Variants in CYTH3 observed in about 807,000 individuals in gnomAD.
The protein encoded by CYTH3 is cytohesin 3, also known as cytohesin-3.
A neutral mutation model predicts 55.1 loss-of-function variants in CYTH3; 23 were observed. The ratio of observed to expected loss-of-function variants is 0.42; its 90% CI spans 0.30 to 0.59. CYTH3 has a LOEUF of 0.59. Among genes scored for constraint, CYTH3 ranks in the 20% least tolerant of loss-of-function variants. The pLI is 0.20. For missense variants in CYTH3, 413 were observed against 524.8 expected (o/e 0.79, Z 2.08); for synonymous variants, 249 against 194.9 (o/e 1.28, Z -2.31).
At chr7:6,232,046 A>G (rs1200731764) in intron 1 of CYTH3, among the ~76,000 whole-genome samples, 3 of 152,128 alleles carry the variant, frequency 2.0e-5, no homozygotes, top group African/African-American at 7.2e-5. Flanking sequence ...CTGCACCCTC[A>G]AGACTTTGCT....
intron 1 of CYTH3, among the ~76,000 whole-genome samples, chr7:6,271,070 C>T (rs1163991532): frequency 6.6e-6 from 1 of 151,712 alleles, no homozygotes; most frequent in Non-Finnish European, 1.5e-5. Context: ...CGACATCCAC[C>T]GGGAACCCAT....
intron 4 of CYTH3, 72 bp downstream of exon 4, chr7:6,186,978 C>T (rs749289122): frequency 1.7e-5 from 25 of 1,507,802 alleles, no homozygotes; most frequent in Non-Finnish European, 1.9e-5. Context: ...GACCTCTGTC[C>T]AAAAGGGAAA....
intron 1 of CYTH3, among the ~76,000 whole-genome samples, chr7:6,238,426 T>C (rs1029710411): frequency 7.2e-5 from 11 of 152,246 alleles, no homozygotes; most frequent in South Asian, 4.1e-4. Flanking sequence ...ACAAACAAGA[T>C]GAAGTTCAAT....
intron 1 of CYTH3, among the ~76,000 whole-genome samples, chr7:6,240,633 G>A (rs778636085): frequency 2.6e-5 from 4 of 152,078 alleles, no homozygotes; most frequent in Non-Finnish European, 5.9e-5. Context: ...AGCCTTTTGG[G>A]GAAAGAAAGT....
intron 4 of CYTH3, among the ~76,000 whole-genome samples, chr7:6,181,592 TGTATAA>T (rs1583752228): frequency 6.6e-6 from 1 of 152,362 alleles, no homozygotes; most frequent in East Asian, 1.9e-4. Flanking sequence ...CACGTCTATG[TGTATAA>T]GTCTTTTCAA....
intron 1 of CYTH3, among the ~76,000 whole-genome samples, chr7:6,242,539 G>A (rs1175182692): frequency 6.8e-6 from 1 of 147,630 alleles, no homozygotes; most frequent in Non-Finnish European, 1.5e-5. Flanking sequence ...ACCACACCCG[G>A]CTAATTTTTG....
intron 1 of CYTH3, among the ~76,000 whole-genome samples, chr7:6,233,956 G>T (rs879740589): frequency 3.3e-5 from 5 of 152,150 alleles, no homozygotes; most frequent in Admixed American, 6.5e-5. Context: ...GGGCAAGGCA[G>T]CTGTCTGAGG....
intron 1 of CYTH3, among the ~76,000 whole-genome samples, chr7:6,238,927 A>G (rs74337584): frequency 2.0e-5 from 3 of 149,338 alleles, no homozygotes; most frequent in Admixed American, 2.0e-4. Flanking sequence ...ATAATAATAA[A>G]AAAAAGCCAA....
At chr7:6,255,411 C>G (rs1304989840) in intron 1 of CYTH3, among the ~76,000 whole-genome samples, 1 of 152,164 alleles carries the variant, frequency 6.6e-6, no homozygotes, top group African/African-American at 2.4e-5. Context: ...GGGAAAAGTT[C>G]TGAAATCCTA....
chr7:6,243,812 T>G (rs1779736678), intron 1 of CYTH3, among the ~76,000 whole-genome samples: 1 of 152,128 alleles, frequency 6.6e-6, no homozygotes, highest in Admixed American at 6.5e-5. Flanking sequence ...GTGAGGATAA[T>G]GGAGAAGAAA....
At chr7:6,251,047 G>T (rs2115047328) in intron 1 of CYTH3, among the ~76,000 whole-genome samples, 1 of 152,328 alleles carries the variant, frequency 6.6e-6, no homozygotes, top group East Asian at 1.9e-4. Flanking sequence ...GGGAGGCCAA[G>T]GCGGGTGGAC....
At chr7:6,261,689 CAAAAA>C (rs71549614) in intron 1 of CYTH3, among the ~76,000 whole-genome samples, 3 of 47,490 alleles carry the variant, frequency 6.3e-5, no homozygotes, top group African/African-American at 1.5e-4. Context: ...GACCCTGTCT[CAAAAA>C]AAAAAAAAAA....
In CYTH3 at chr7:6,173,145, G is replaced by A. The variant is rs767770074; in HGVS notation, c.449+508C>T. 17 of 842,898 alleles carry A rather than the reference G, an allele frequency of 2.0e-5. No individual in the cohort carries two copies. The South Asian group carries it at 3.3e-4, about 16-fold the overall frequency. The allele number at this position is 842,898 out of a possible 1,614,324, so 52.2% of individuals were successfully genotyped here. ...CAGCCAGGGCACCAAGGAAGGAAGC[G>A]AGACAACTTCCTGCTTGCAGAGCAG... On this transcript the variant is annotated intron_variant, in intron 6 of 12. Transcript: ENST00000350796.
intron 5 of CYTH3, among the ~76,000 whole-genome samples, chr7:6,176,469 G>C (rs895421786): frequency 7.2e-5 from 11 of 151,922 alleles, no homozygotes; most frequent in African/African-American, 2.4e-4. Flanking sequence ...CACCATGTTA[G>C]CCAGGATGGT....
intron 1 of CYTH3, among the ~76,000 whole-genome samples, chr7:6,198,378 C>T (rs1311655904): frequency 2.8e-5 from 4 of 142,922 alleles, no homozygotes; most frequent in Non-Finnish European, 1.5e-5. Flanking sequence ...TGTTTAGTGA[C>T]GTTCTATCAG....
At position 6,171,734 on chromosome 7, in the gene CYTH3, C is replaced by T; in HGVS notation, c.450-420G>A. ...TAAGGCAGAGCCATAGCCCACAGGACGGTATCCAAAGCCCCACCTACAGCA... is the reference window on the plus strand; with the variant it reads ...TAAGGCAGAGCCATAGCCCACAGGATGGTATCCAAAGCCCCACCTACAGCA... On this transcript the variant is annotated intron_variant, in intron 6 of 12. Transcript: ENST00000350796. This position sits in a 1 kb window ranked among gnomAD's most constrained non-coding sequence, Gnocchi z 6.7. The T allele has an allele frequency of 9.8e-6, 2 of 204,836 alleles. No individual in the cohort carries two copies. Among genetic ancestry groups the T allele is most frequent in the South Asian group, 8.6e-5 (1 of 11,646 alleles). The allele number at this position is 204,836 out of a possible 1,614,324, so 12.7% of individuals were successfully genotyped here.
At chr7:6,229,562 C>A (rs982180173) in intron 1 of CYTH3, among the ~76,000 whole-genome samples, 2 of 151,286 alleles carry the variant, frequency 1.3e-5, no homozygotes, top group Non-Finnish European at 2.9e-5. Context: ...GTAATCCCAG[C>A]ACTTTGGGAG....
At chr7:6,240,464 A>G (rs1194827123) in intron 1 of CYTH3, among the ~76,000 whole-genome samples, 1 of 152,172 alleles carries the variant, frequency 6.6e-6, no homozygotes, top group Non-Finnish European at 1.5e-5. Context: ...TGATACTAAA[A>G]TACCATGGTC....
chr7:6,184,301 C>G (rs1783584182), intron 4 of CYTH3, among the ~76,000 whole-genome samples: 1 of 151,816 alleles, frequency 6.6e-6, no homozygotes, highest in South Asian at 2.1e-4. Flanking sequence ...ACCTCATGAT[C>G]CACCCGCCTC....
Sources: allele counts gnomAD v4.1 joint callset (sites outside exome capture counted in the v4.1 genomes callset), GRCh38; gene constraint gnomAD v4.1.1; non-coding constraint Gnocchi (gnomAD v3.1); transcripts MANE v1.5; gene names NCBI Gene and HGNC (gene_info 2026-07-23, HGNC 2026-07-21).